The following ANKS1A variants were observed in gnomAD, a reference collection of about 807,000 sequenced individuals.
The protein encoded by ANKS1A is ankyrin repeat and SAM domain-containing protein 1A.
A neutral mutation model predicts 120.3 loss-of-function variants in ANKS1A; 55 were observed. The ratio of observed to expected loss-of-function variants is 0.46; its 90% CI spans 0.37 to 0.57. The LOEUF (loss-of-function observed/expected upper bound fraction) is 0.57, where lower values mean the gene tolerates loss of function less well. Among genes scored for constraint, ANKS1A ranks in the 20% least tolerant of loss-of-function variants. The pLI is 0.00. For missense variants in ANKS1A, 1,123 were observed against 1,480.3 expected, an observed-to-expected ratio of 0.76 and a Z score of 3.96; for synonymous variants, 590 against 604.7, an observed-to-expected ratio of 0.98 and a Z score of 0.36.
rs146204005 is a variant in ANKS1A, at chr6:35,060,035, T to G, written c.2078-112T>G. 1.1e-4 allele frequency: 88 copies of G among 818,966 alleles called. No homozygotes were observed. The highest frequency in any genetic ancestry group is 1.6e-4 in the Non-Finnish European group (81 of 498,356). 50.7% of individuals were successfully genotyped at this position (818,966 alleles called of 1,614,324 possible). On this transcript the variant is annotated intron_variant, in intron 12 of 23. Coordinates refer to ENST00000360359, the MANE Select transcript of ANKS1A (RefSeq NM_015245.3). The surrounding 1 kb of genome is among the most constrained non-coding windows in gnomAD (Gnocchi z 4.5). The stretch of plus-strand genomic sequence containing the variant: ...GGTCTCTTGTATATAGTTTGGCTGT[T>G]TGATGGTAATGACTATGATGTGGCA...
intron 23 of ANKS1A, among the ~76,000 whole-genome samples, chr6:35,088,003 C>T (rs1778087047): frequency 6.6e-6 from 1 of 152,264 alleles, no homozygotes; most frequent in South Asian, 2.1e-4. Context: ...ACACACGGCG[C>T]ACCTTCTTCC....
chr6:35,039,815 C>T (rs1307280048), intron 11 of ANKS1A: 1 of 305,220 alleles, frequency 3.3e-6, no homozygotes, highest in Non-Finnish European at 6.5e-6. Flanking sequence ...GCTTCTGTAA[C>T]AAAATACCAT....
chr6:34,938,949 C>T (rs1769397144), intron 1 of ANKS1A, among the ~76,000 whole-genome samples: 1 of 152,206 alleles, frequency 6.6e-6, no homozygotes, highest in Non-Finnish European at 1.5e-5. Context: ...GATCTCGCCA[C>T]TGTGCTCCAG....
Position 35,030,641 on chromosome 6 carries a change from G to A in ANKS1A, c.2010+12582G>A, listed in dbSNP as rs75585017. ...CAAGTAACCCCCTCTACCATCCACCGTTACGTCTATGAAATAATGAAAAAT... is the reference window on the plus strand; with the variant it reads ...CAAGTAACCCCCTCTACCATCCACCATTACGTCTATGAAATAATGAAAAAT... On this transcript the variant is annotated intron_variant, in intron 11 of 23. Transcript: ENST00000360359. Among the ~76,000 whole-genome samples the A allele has an allele frequency of 3.9e-4, 59 of 152,212 alleles. No homozygotes were observed. In the East Asian group the frequency reaches 0.011, roughly 28 times the overall value.
chr6:35,017,754 C>T lies in ANKS1A; in HGVS notation c.1705C>T (p.Leu569Phe), dbSNP rs771470242. The change falls in exon 11 of 24, where the codon CTC becomes TTC. Residue 569 changes from leucine to phenylalanine, a missense_variant. Physicochemically the swap from Leu to Phe is conservative, Grantham distance 22. Around this residue, in one of 3 missense-constraint regions of ANKS1A, gnomAD observed 904 missense variants for 1,130.4 expected, o/e 0.80. Transcript: ENST00000360359. ...GGACCAGAGCAAGAGAGTGGGCTAC[C>T]TCACAGGCCTGCCCACCACCAACAG... The part of the protein sequence containing the change: ...ALDQSKRVGY[L>F]TGLPTTNSRS... 27 of 1,614,006 alleles carry T rather than the reference C, an allele frequency of 1.7e-5. No individual in the cohort carries two copies. Among genetic ancestry groups the T allele is most frequent in the South Asian group, 1.2e-4 (11 of 91,090 alleles).
At chr6:34,912,990 A>G (rs1275323114) in intron 1 of ANKS1A, among the ~76,000 whole-genome samples, 2 of 152,210 alleles carry the variant, frequency 1.3e-5, no homozygotes, top group Non-Finnish European at 2.9e-5. Flanking sequence ...CTTTATGAAC[A>G]TCGTCACCTT....
chr6:34,944,147 G>A (rs1333584362), intron 1 of ANKS1A, among the ~76,000 whole-genome samples: 2 of 152,128 alleles, frequency 1.3e-5, no homozygotes, highest in Admixed American at 1.3e-4. Flanking sequence ...GCATGGTGGT[G>A]GGTGCCTGTA....
chr6:35,029,027 CTT>C (rs1216514006), intron 11 of ANKS1A, among the ~76,000 whole-genome samples: 1 of 152,160 alleles, frequency 6.6e-6, no homozygotes, highest in African/African-American at 2.4e-5. Context: ...CTTTTAGTCT[CTT>C]TTTGGTTAAC....
chr6:35,078,306 C>T (rs1314058218), intron 13 of ANKS1A, among the ~76,000 whole-genome samples: 2 of 152,316 alleles, frequency 1.3e-5, no homozygotes, highest in African/African-American at 4.8e-5. Context: ...CCTGGGCAGG[C>T]GGCACCCCCA....
At chr6:35,026,904 C>T (rs529546448) in intron 11 of ANKS1A, among the ~76,000 whole-genome samples, 113 of 152,086 alleles carry the variant, frequency 7.4e-4, no homozygotes, top group African/African-American at 2.6e-3. Flanking sequence ...CATGCACATA[C>T]CCACATTTTT....
chr6:35,028,797 G>T (rs919034858), intron 11 of ANKS1A, among the ~76,000 whole-genome samples: 28 of 152,072 alleles, frequency 1.8e-4, no homozygotes, highest in African/African-American at 6.0e-4. Flanking sequence ...ATATTCCATG[G>T]TGTGCATATA....
intron 1 of ANKS1A, among the ~76,000 whole-genome samples, chr6:34,949,807 G>T (rs1248119227): frequency 6.6e-6 from 1 of 152,170 alleles, no homozygotes; most frequent in Non-Finnish European, 1.5e-5. Flanking sequence ...GTGTGAGCAA[G>T]CTTGTTCTTA....
rs952133466 is a variant in ANKS1A at position 35,084,294 on chromosome 6, G to A, written c.3132+36G>A. ...TCCTGGGGCCGGGTGGGGCAGGCTT[G>A]GGTTGCAGCCCTGAGGCGTCCAGCC... is the stretch of plus-strand genomic sequence containing the variant. On this transcript the variant is annotated intron_variant, in intron 21 of 23. Coordinates refer to ENST00000360359, the MANE Select transcript of ANKS1A (RefSeq NM_015245.3). The surrounding 1 kb of genome is among the most constrained non-coding windows in gnomAD (Gnocchi z 4.8). 1.2e-6 allele frequency: 2 copies of A among 1,610,122 alleles called. No individual in the cohort carries two copies. The highest frequency in any genetic ancestry group is 2.2e-5 in the South Asian group (2 of 90,706).
intron 10 of ANKS1A, among the ~76,000 whole-genome samples, chr6:35,001,807 C>T (rs1200809605): frequency 6.6e-5 from 10 of 151,990 alleles, no homozygotes; most frequent in African/African-American, 2.4e-4. Context: ...ATCCCTTTCA[C>T]GCTGGCATTT....
chr6:35,067,411 C>T (rs1039493598), intron 13 of ANKS1A, among the ~76,000 whole-genome samples: 5 of 152,162 alleles, frequency 3.3e-5, no homozygotes, highest in African/African-American at 1.2e-4. Context: ...GCACCCCAGA[C>T]GAACGTGCTG....
intron 10 of ANKS1A, among the ~76,000 whole-genome samples, chr6:35,013,750 G>A (rs1773877287): frequency 6.6e-6 from 1 of 152,178 alleles, no homozygotes; most frequent in South Asian, 2.1e-4. Flanking sequence ...TCCTTCTGCT[G>A]TTCAGAGTTA....
chr6:34,948,514 G>T (rs1227244666), intron 1 of ANKS1A, among the ~76,000 whole-genome samples: 3 of 152,096 alleles, frequency 2.0e-5, no homozygotes, highest in African/African-American at 7.2e-5. Context: ...AGTAAATAAT[G>T]GCATTTGAGT....
chr6:34,949,519 G>A (rs559562784), intron 1 of ANKS1A, among the ~76,000 whole-genome samples: 2 of 152,184 alleles, frequency 1.3e-5, no homozygotes, highest in Non-Finnish European at 2.9e-5. Context: ...AGAGACTTGA[G>A]GCAGTCAAGC....
chr6:35,069,199 A>G (rs1439807264), intron 13 of ANKS1A, among the ~76,000 whole-genome samples: 1 of 152,136 alleles, frequency 6.6e-6, no homozygotes, highest in Non-Finnish European at 1.5e-5. Context: ...AAGAGTGGGA[A>G]GAGTGACATC....
Sources: gnomAD v4.1 joint callset for allele counts (sites outside exome capture counted in the v4.1 genomes callset) on GRCh38, gnomAD v4.1.1 for gene constraint, gnomAD v4.1.1 regional missense constraint, Gnocchi (gnomAD v3.1) non-coding constraint, MANE v1.5 for transcripts, NCBI Gene and HGNC (gene_info 2026-07-23, HGNC 2026-07-21) for gene names.